The following C3orf20 variants were observed in gnomAD, a reference collection of about 807,000 sequenced individuals.
The protein encoded by C3orf20 is uncharacterized protein C3orf20.
A neutral mutation model predicts 88.3 loss-of-function variants in C3orf20; 76 were observed. The ratio of observed to expected loss-of-function variants is 0.86; its 90% CI spans 0.72 to 1.04. C3orf20 has a LOEUF of 1.04. Ranked by LOEUF, C3orf20 falls within the 50% of genes least tolerant of loss-of-function variation. C3orf20 has a pLI of 0.00. For synonymous variants in C3orf20, 436 were observed against 437.4 expected (o/e 1.00, Z 0.04); for missense variants, 1,056 against 1,123.3 (o/e 0.94, Z 0.86).
At chr3:14,689,021 G>A (rs1382978553) in intron 4 of C3orf20, among the ~76,000 whole-genome samples, 1 of 152,048 alleles carries the variant, frequency 6.6e-6, no homozygotes, top group African/African-American at 2.4e-5. Flanking sequence ...TATGCACCTG[G>A]CTTCTTATTT....
intron 5 of C3orf20, 43 bp from the exon 6 acceptor site, chr3:14,703,087 A>G (rs367945019): frequency 6.6e-5 from 106 of 1,607,350 alleles, no homozygotes; most frequent in Non-Finnish European, 8.6e-5. Context: ...GTGGGTTCCC[A>G]TGGTCTTGGG....
At chr3:14,755,213 A>G (rs17040261) in intron 12 of C3orf20, among the ~76,000 whole-genome samples, 22,975 of 151,758 alleles carry the variant, frequency 0.15, 2,241 homozygotes, top group East Asian at 0.3. Flanking sequence ...TTTGTCTTTC[A>G]TCTTTGGTTA....
intron 10 of C3orf20, among the ~76,000 whole-genome samples, chr3:14,724,757 G>A (rs2034289670): frequency 6.6e-6 from 1 of 152,126 alleles, no homozygotes; most frequent in Admixed American, 6.5e-5. Context: ...ATTTTTTAAT[G>A]TGCTAACTAG....
Position 14,682,927 on chromosome 3 carries a change from A to G in C3orf20, c.214A>G (p.Ser72Gly). The G allele has an allele frequency of 6.2e-7, 1 of 1,614,174 alleles. No individual in the cohort carries two copies. The highest frequency in any genetic ancestry group is 8.5e-7 in the Non-Finnish European group (1 of 1,180,026). Residue 72 changes from serine (S) to glycine (G), a missense_variant, in exon 3 of 17, where the codon AGC becomes GGC. Ser to Gly is a moderately conservative substitution (Grantham distance 56, BLOSUM62 0). Transcript: ENST00000253697. ...TPSDILGLEV[S>G]FGAPLVVLME... ...GTCCGACATCTTGGGCCTGGAGGTC[A>G]GCTTTGGAGCCCCCCTGGTGGTGCT...
In C3orf20 at chr3:14,684,227, C is replaced by T. The variant is rs1371133443; in HGVS notation, c.485-15C>T. 4.3e-6 allele frequency: 7 copies of T among 1,613,270 alleles called. No individual in the cohort carries two copies. The highest frequency in any genetic ancestry group is 5.9e-6 in the Non-Finnish European group (7 of 1,179,702). The stretch of plus-strand genomic sequence containing the variant: ...TGCTAGGAGGGACACGTGTTGCTTT[C>T]TATCATTGCTTTAGTGGGTGCCAAC... On this transcript the variant is annotated splice_polypyrimidine_tract_variant and intron_variant, in intron 3 of 16. Coordinates refer to ENST00000253697, the MANE Select transcript of C3orf20 (RefSeq NM_032137.5).
At chr3:14,723,849 C>T (rs1454469825) in intron 10 of C3orf20, among the ~76,000 whole-genome samples, 1 of 149,234 alleles carries the variant, frequency 6.7e-6, no homozygotes, top group East Asian at 2.0e-4. Flanking sequence ...TTTATTGAGA[C>T]CAAGCCTTGT....
In C3orf20 at chr3:14,728,793, A is replaced by G. The variant is rs115935014; in HGVS notation, c.1940+105A>G. 519 of 1,112,550 alleles carry G rather than the reference A, an allele frequency of 4.7e-4. 1 individual carries two copies. The African/African-American group carries it at 7.5e-3, about 16-fold the overall frequency. 68.9% of individuals were successfully genotyped at this position (1,112,550 alleles called of 1,614,324 possible). On this transcript the variant is annotated intron_variant, in intron 12 of 16. Coordinates refer to ENST00000253697, the MANE Select transcript of C3orf20 (RefSeq NM_032137.5). ...GGGGCCCCTCTCTTTTGGAGCTTAA[A>G]TTCCAAGGGCAAGTAAAGTGAGGAG...
Position 14,682,713 on chromosome 3 carries a change from C to T in C3orf20, c.-1C>T. 6.2e-7 allele frequency: 1 copy of T among 1,603,226 alleles called. No homozygotes were observed. Among genetic ancestry groups the T allele is most frequent in the East Asian group, 2.2e-5 (1 of 44,812 alleles). ...TCTCTTTATAGCTGAAGGTCCCTCT[C>T]ATGAGTTACATCAAGAGTAACCTAG... On this transcript the variant is annotated 5_prime_UTR_variant, in exon 3 of 17. Transcript: ENST00000253697.
chr3:14,710,757 A>G (rs1418821102), intron 7 of C3orf20, among the ~76,000 whole-genome samples: 1 of 152,078 alleles, frequency 6.6e-6, no homozygotes, highest in African/African-American at 2.4e-5. Context: ...GGCCTAACAT[A>G]TTGTCTGTAC....
rs769812329 is a variant in C3orf20 at position 14,682,564 on chromosome 3, T to C, written c.-136-14T>C. The C allele has an allele frequency of 3.9e-5, 42 of 1,069,280 alleles. No homozygotes were observed. Among genetic ancestry groups the C allele is most frequent in the Non-Finnish European group, 5.5e-5 (41 of 744,620 alleles). The allele number at this position is 1,069,280 out of a possible 1,614,324, so 66.2% of individuals were successfully genotyped here. A position where few individuals can be genotyped will look rare whatever the true frequency, so the allele number is the denominator to read the frequency against. ...GGGAGAGTGACTAACTCTTTTCTTG[T>C]CCTTTCCGGATAGGAACCACTGGCT... On this transcript the variant is annotated splice_polypyrimidine_tract_variant and intron_variant, in intron 2 of 16. Transcript: ENST00000253697.
chr3:14,768,199 G>T lies in C3orf20; in HGVS notation c.2496-3868G>T, dbSNP rs2035768310. ...GAGTGGGGAGGGCACAGGGTGAGGAGACTGGGTCTCTAGTTGGATCAGCAG... is the reference window on the plus strand; with the variant it reads ...GAGTGGGGAGGGCACAGGGTGAGGATACTGGGTCTCTAGTTGGATCAGCAG... On this transcript the variant is annotated intron_variant, in intron 15 of 16. Coordinates refer to ENST00000253697, the MANE Select transcript of C3orf20 (RefSeq NM_032137.5). This position sits in a 1 kb window ranked among gnomAD's most constrained non-coding sequence, Gnocchi z 4.1. 1.3e-5 allele frequency among the ~76,000 whole-genome samples: 2 copies of T among 152,098 alleles called. No individual in the cohort carries two copies. Among genetic ancestry groups the T allele is most frequent in the South Asian group, 4.2e-4 (2 of 4,816 alleles).
intron 12 of C3orf20, among the ~76,000 whole-genome samples, chr3:14,735,101 G>T (rs1185943431): frequency 6.6e-6 from 1 of 151,506 alleles, no homozygotes; most frequent in Non-Finnish European, 1.5e-5. Context: ...TCTCTTGAAA[G>T]AATTATATAT....
Position 14,772,961 on chromosome 3 carries a change from C to A in C3orf20, c.*86C>A. On this transcript the variant is annotated 3_prime_UTR_variant, in exon 17 of 17. Coordinates refer to ENST00000253697, the MANE Select transcript of C3orf20 (RefSeq NM_032137.5). The surrounding 1 kb of genome is among the most constrained non-coding windows in gnomAD (Gnocchi z 4.2). ...CAGCCCAGCCCTGCCTCCCCGGTCTCCCACCCTGTCCTCCAAGCTTCTATA... is the reference window on the plus strand; with the variant it reads ...CAGCCCAGCCCTGCCTCCCCGGTCTACCACCCTGTCCTCCAAGCTTCTATA... 1 of 955,262 alleles carries A rather than the reference C, an allele frequency of 1.0e-6. No individual in the cohort carries two copies. 59.2% of individuals were successfully genotyped at this position (955,262 alleles called of 1,614,324 possible). A position where few individuals can be genotyped will look rare whatever the true frequency, so the allele number is the denominator to read the frequency against.
Position 14,676,462 on chromosome 3 carries a change from A to G in C3orf20, c.-299+1210A>G, listed in dbSNP as rs115272194. On this transcript the variant is annotated intron_variant, in intron 1 of 16. Coordinates refer to ENST00000253697, the MANE Select transcript of C3orf20 (RefSeq NM_032137.5). ...ACCATTTGGTTCTTCTTTCTTTAAC[A>G]TTTCTAAAACCGAGCTTCCTAGTTA... Among the ~76,000 whole-genome samples the G allele has an allele frequency of 6.3e-4, 96 of 152,256 alleles. 1 individual carries two copies. Among genetic ancestry groups the G allele is most frequent in the Non-Finnish European group, 9.7e-4 (66 of 67,992 alleles).
chr3:14,679,023 C>T (rs1289699811), intron 1 of C3orf20, among the ~76,000 whole-genome samples: 1 of 152,228 alleles, frequency 6.6e-6, no homozygotes, highest in African/African-American at 2.4e-5. Context: ...GTGCAGTCCT[C>T]TGAGCCCACC....
chr3:14,734,558 G>C (rs1225751093), intron 12 of C3orf20, among the ~76,000 whole-genome samples: 1 of 152,068 alleles, frequency 6.6e-6, no homozygotes, highest in African/African-American at 2.4e-5. Flanking sequence ...AGAAAAAACT[G>C]CATAATTTCA....
chr3:14,738,812 TTTG>T, intron 12 of C3orf20, among the ~76,000 whole-genome samples: 5 of 128,552 alleles, frequency 3.9e-5, no homozygotes, highest in Admixed American at 7.5e-5. Flanking sequence ...GGCTAATTTT[TTTG>T]TTTTTTTTTT....
In C3orf20 at chr3:14,703,175, G is replaced by A. The variant is rs775621885; in HGVS notation, c.791G>A (p.Arg264Gln). 32 of 1,614,062 alleles carry A rather than the reference G, an allele frequency of 2.0e-5. No homozygotes were observed. Among genetic ancestry groups the A allele is most frequent in the South Asian group, 5.5e-5 (5 of 91,092 alleles). Residue 264 changes from arginine to glutamine, a missense_variant, in exon 6 of 17, where the codon CGA (arginine) becomes CAA (glutamine). Coordinates refer to ENST00000253697, the MANE Select transcript of C3orf20 (RefSeq NM_032137.5). ...GATGTCAGCATGCCGCCCCTGCATC[G>A]AGGAGTGGGAACCCCTGCCAACAGC... ...TEDVSMPPLH[R>Q]GVGTPANSLE...
intron 10 of C3orf20, among the ~76,000 whole-genome samples, chr3:14,723,307 G>A (rs750985230): frequency 3.9e-5 from 6 of 152,248 alleles, no homozygotes; most frequent in Non-Finnish European, 8.8e-5. Flanking sequence ...TTTGTTAGGG[G>A]TCTCCTTTGT....
Sources: allele counts gnomAD v4.1 joint callset (sites outside exome capture counted in the v4.1 genomes callset), GRCh38; gene constraint gnomAD v4.1.1; non-coding constraint Gnocchi (gnomAD v3.1); transcripts MANE v1.5; gene names NCBI Gene and HGNC (gene_info 2026-07-23, HGNC 2026-07-21).